Variants in CFAP210 observed in about 807,000 individuals in gnomAD.
CFAP210 encodes the protein cilia- and flagella- associated protein 210.
At chr2:169,647,124 T>C in the CFAP210 span, among the ~76,000 whole-genome samples, 3 of 152,084 alleles carry the variant, frequency 2.0e-5, no homozygotes, top group African/African-American at 7.2e-5. Flanking sequence ...ACATACTATT[T>C]GTGAAATTGG....
chr2:169,694,332 C>T, the CFAP210 span: 3 of 1,613,892 alleles, frequency 1.9e-6, no homozygotes, highest in South Asian at 2.2e-5. Context: ...GTCCATGATG[C>T]TCCTAGATCT....
the CFAP210 span, chr2:169,681,383 GA>G: frequency 2.9e-3 from 1,786 of 612,776 alleles, 1 homozygote; most frequent in Middle Eastern, 4.5e-3. Flanking sequence ...ATGATTAAGT[GA>G]AAAAAAAAAT....
chr2:169,687,931 T>C, the CFAP210 span, among the ~76,000 whole-genome samples: 1 of 152,218 alleles, frequency 6.6e-6, no homozygotes, highest in Admixed American at 6.5e-5. Context: ...AGGTGGAGGT[T>C]CCCAAACCTC....
the CFAP210 span, among the ~76,000 whole-genome samples, chr2:169,692,464 A>G: frequency 6.6e-6 from 1 of 150,904 alleles, no homozygotes; most frequent in Non-Finnish European, 1.5e-5. Context: ...ACACACACAC[A>G]CACACACACA....
At chr2:169,650,604 A>G in the CFAP210 span, 1 of 1,355,246 alleles carries the variant, frequency 7.4e-7, no homozygotes, top group Non-Finnish European at 9.5e-7. Context: ...GGAATCTGAG[A>G]TATTTTGCAG....
At chr2:169,669,774 T>TAA in the CFAP210 span, among the ~76,000 whole-genome samples, 47 of 133,212 alleles carry the variant, frequency 3.5e-4, 1 homozygote, top group Middle Eastern at 3.9e-3. Flanking sequence ...GACTCCGTCT[T>TAA]AAAAAAAAAA....
chr2:169,649,609 G>C, the CFAP210 span, among the ~76,000 whole-genome samples: 1 of 152,116 alleles, frequency 6.6e-6, no homozygotes, highest in African/African-American at 2.4e-5. Context: ...TCTTCTCAAG[G>C]AAGGGAAATA....
the CFAP210 span, among the ~76,000 whole-genome samples, chr2:169,670,147 C>T: frequency 2.0e-5 from 3 of 152,010 alleles, no homozygotes; most frequent in African/African-American, 7.3e-5. Flanking sequence ...GTGTCTGTTC[C>T]TAGAGGAAGC....
chr2:169,654,074 C>T, the CFAP210 span: 1 of 1,608,122 alleles, frequency 6.2e-7, no homozygotes, highest in South Asian at 1.1e-5. Context: ...TTAAAGCCTA[C>T]CTGTGTGTTT....
At chr2:169,651,393 AAAAAG>A in the CFAP210 span, among the ~76,000 whole-genome samples, 1 of 151,886 alleles carries the variant, frequency 6.6e-6, no homozygotes, top group Non-Finnish European at 1.5e-5. Flanking sequence ...TCTATTAAAA[AAAAAG>A]AAAAAAAATT....
At chr2:169,665,704 T>C in the CFAP210 span, among the ~76,000 whole-genome samples, 1 of 152,218 alleles carries the variant, frequency 6.6e-6, no homozygotes, top group Non-Finnish European at 1.5e-5. Context: ...GTGTTTATGC[T>C]GTATGCTGAG....
chr2:169,649,546 AC>A, the CFAP210 span, among the ~76,000 whole-genome samples: 1 of 152,306 alleles, frequency 6.6e-6, no homozygotes, highest in East Asian at 1.9e-4. Context: ...ATCAGAAAAT[AC>A]CCAAGTGCTA....
chr2:169,649,972 T>G, the CFAP210 span, among the ~76,000 whole-genome samples: 1 of 152,164 alleles, frequency 6.6e-6, no homozygotes, highest in African/African-American at 2.4e-5. Context: ...AATTAAATGT[T>G]ATGACAGTCA....
At chr2:169,675,019 C>G in the CFAP210 span, 34 of 1,520,880 alleles carry the variant, frequency 2.2e-5, 1 homozygote, top group African/African-American at 4.6e-4. Flanking sequence ...TTTTTGGCTT[C>G]AAGTTTCTGT....
At chr2:169,669,222 C>A in the CFAP210 span, among the ~76,000 whole-genome samples, 11 of 152,104 alleles carry the variant, frequency 7.2e-5, no homozygotes, top group East Asian at 2.1e-3. Context: ...ATGAGGCAAG[C>A]AAGAGCTTGG....
the CFAP210 span, among the ~76,000 whole-genome samples, chr2:169,647,115 C>T: frequency 9.2e-5 from 14 of 151,780 alleles, no homozygotes; most frequent in African/African-American, 3.4e-4. Context: ...ATTCAGTTTA[C>T]ATACTATTTG....
the CFAP210 span, chr2:169,674,965 G>T: frequency 6.5e-7 from 1 of 1,544,380 alleles, no homozygotes; most frequent in South Asian, 1.3e-5. Flanking sequence ...TCTTCTTCCA[G>T]ATCAAGAATT....
chr2:169,651,389 A>T, the CFAP210 span, among the ~76,000 whole-genome samples: 3 of 150,504 alleles, frequency 2.0e-5, no homozygotes, highest in Non-Finnish European at 4.4e-5. Flanking sequence ...AGACTCTATT[A>T]AAAAAAAAGA....
chr2:169,655,722 C>T, the CFAP210 span, among the ~76,000 whole-genome samples: 1 of 152,178 alleles, frequency 6.6e-6, no homozygotes, highest in Admixed American at 6.5e-5. Flanking sequence ...GTCTGTCCTA[C>T]TCCAAGCCTA....
Sources: allele counts gnomAD v4.1 joint callset (sites outside exome capture counted in the v4.1 genomes callset), GRCh38; gene constraint gnomAD v4.1.1; transcripts MANE v1.5; gene names NCBI Gene and HGNC (gene_info 2026-07-23, HGNC 2026-07-21).